TNKS: variants seen among roughly 807,000 people sequenced by gnomAD.
TNKS encodes poly [ADP-ribose] polymerase tankyrase-1.
A neutral mutation model predicts 135.8 loss-of-function variants in TNKS; 72 were observed. That is an observed-to-expected ratio of 0.53 (90% CI 0.44 to 0.64). The LOEUF is 0.64. TNKS is among the 30% of genes least tolerant of loss of function. TNKS has a pLI of 0.00. For missense variants in TNKS, 1,769 were observed against 1,674.0 expected (o/e 1.06, Z -0.99); for synonymous variants, 849 against 649.3 (o/e 1.31, Z -4.68).
chr8:9,749,499 C>G (rs903782869), intron 18 of TNKS, among the ~76,000 whole-genome samples: 12 of 147,500 alleles, frequency 8.1e-5, no homozygotes, highest in African/African-American at 2.5e-4. Context: ...CCTTAAGACA[C>G]AGTCTGGCTA....
At chr8:9,601,538 G>A (rs1799016305) in intron 2 of TNKS, among the ~76,000 whole-genome samples, 1 of 152,154 alleles carries the variant, frequency 6.6e-6, no homozygotes, top group African/African-American at 2.4e-5. Context: ...AGATAATACA[G>A]GCGTATGTGT....
intron 14 of TNKS, 27 bp downstream of exon 14, chr8:9,731,062 G>A (rs752572388): frequency 1.9e-6 from 3 of 1,544,492 alleles, no homozygotes; most frequent in Non-Finnish European, 2.6e-6. Context: ...AGCTGTTTGG[G>A]AGTCATTCTC....
intron 22 of TNKS, 33 bp from the exon 23 acceptor site, chr8:9,764,683 T>C: frequency 6.5e-7 from 1 of 1,527,978 alleles, no homozygotes; most frequent in Non-Finnish European, 8.9e-7. Flanking sequence ...CACACTGGGA[T>C]GTTTTTATAA....
chr8:9,561,466 C>T (rs959312171), intron 1 of TNKS, among the ~76,000 whole-genome samples: 2 of 152,168 alleles, frequency 1.3e-5, no homozygotes, highest in Non-Finnish European at 2.9e-5. Context: ...TAAATGCAGT[C>T]ATACAATATT....
chr8:9,734,544 A>G (rs946699743), intron 15 of TNKS, among the ~76,000 whole-genome samples: 57 of 152,136 alleles, frequency 3.7e-4, no homozygotes, highest in African/African-American at 1.3e-3. Context: ...CATCCATGCT[A>G]TTCTTCAAAG....
chr8:9,683,674 AC>A (rs1467399725), intron 5 of TNKS, among the ~76,000 whole-genome samples: 5 of 151,540 alleles, frequency 3.3e-5, no homozygotes, highest in African/African-American at 4.8e-5. Context: ...GGGGTTTGAG[AC>A]TTTAGGTTTT....
chr8:9,661,547 CTG>C (rs1383757374), intron 3 of TNKS, among the ~76,000 whole-genome samples: 1 of 152,122 alleles, frequency 6.6e-6, no homozygotes, highest in Non-Finnish European at 1.5e-5. Context: ...AAAGCTGAAA[CTG>C]GATCCCTTCC....
At chr8:9,585,208 C>T (rs533549150) in intron 2 of TNKS, among the ~76,000 whole-genome samples, 16 of 151,338 alleles carry the variant, frequency 1.1e-4, no homozygotes, top group Admixed American at 6.6e-4. Context: ...GAATTAAAGA[C>T]CATGTTAGTA....
At chr8:9,719,852 C>T (rs939037529) in intron 11 of TNKS, among the ~76,000 whole-genome samples, 2 of 152,086 alleles carry the variant, frequency 1.3e-5, no homozygotes, top group African/African-American at 4.8e-5. Flanking sequence ...TTTGAATCCT[C>T]AAATCTTTTT....
chr8:9,714,572 C>G (rs1008802124), intron 11 of TNKS, among the ~76,000 whole-genome samples: 3 of 152,052 alleles, frequency 2.0e-5, no homozygotes, highest in Non-Finnish European at 4.4e-5. Context: ...ATAATCAAGA[C>G]TGTAGTAGAT....
intron 2 of TNKS, among the ~76,000 whole-genome samples, chr8:9,586,722 C>CGTGTGTGTGTGTGTGTGT (rs5889287): frequency 4.2e-5 from 6 of 143,298 alleles, no homozygotes; most frequent in African/African-American, 1.5e-4. Context: ...ATATCTAAAA[C>CGTGTGTGTGTGTGTGTGT]GTGTGTGTGT....
intron 1 of TNKS, among the ~76,000 whole-genome samples, chr8:9,566,975 A>G (rs1462797169): frequency 6.6e-6 from 1 of 152,212 alleles, no homozygotes; most frequent in Non-Finnish European, 1.5e-5. Context: ...TGCCAGATTT[A>G]AACCCAATCT....
intron 17 of TNKS, among the ~76,000 whole-genome samples, chr8:9,745,028 G>A (rs13249683): frequency 0.7 from 106,773 of 152,080 alleles, 37,992 homozygotes; most frequent in Admixed American, 0.8. Flanking sequence ...TATATTATTC[G>A]GCCTGTAAAC....
chr8:9,632,516 G>A (rs1249575244), intron 3 of TNKS, among the ~76,000 whole-genome samples: 6 of 151,502 alleles, frequency 4.0e-5, no homozygotes, highest in Admixed American at 1.3e-4. Flanking sequence ...AAATTTCTTC[G>A]CTTTTGACCT....
At chr8:9,747,091 C>T (rs1165503377) in intron 17 of TNKS, among the ~76,000 whole-genome samples, 2 of 151,916 alleles carry the variant, frequency 1.3e-5, no homozygotes, top group Non-Finnish European at 2.9e-5. Flanking sequence ...CTATGTTGGC[C>T]AGGCTGGTCT....
chr8:9,760,051 A>C (rs562786011), intron 20 of TNKS, among the ~76,000 whole-genome samples: 47 of 152,260 alleles, frequency 3.1e-4, no homozygotes, highest in African/African-American at 1.0e-3. Context: ...CATAGATATG[A>C]GACCCTTGGT....
chr8:9,645,049 A>G (rs1800869974), intron 3 of TNKS, among the ~76,000 whole-genome samples: 1 of 152,164 alleles, frequency 6.6e-6, no homozygotes, highest in Admixed American at 6.6e-5. Flanking sequence ...CCATTTTATT[A>G]CACAAAGTTA....
chr8:9,629,728 G>T (rs1254371685), intron 3 of TNKS, among the ~76,000 whole-genome samples: 1 of 152,228 alleles, frequency 6.6e-6, no homozygotes, highest in Non-Finnish European at 1.5e-5. Context: ...TGTCGCCCAG[G>T]CTGGAGTGCA....
chr8:9,715,578 A>G (rs1377649317), intron 11 of TNKS, among the ~76,000 whole-genome samples: 2 of 152,128 alleles, frequency 1.3e-5, no homozygotes, highest in Non-Finnish European at 2.9e-5. Flanking sequence ...ATTCAACAAA[A>G]CAGTGAAGAC....
Sources: allele counts gnomAD v4.1 joint callset (sites outside exome capture counted in the v4.1 genomes callset), GRCh38; gene constraint gnomAD v4.1.1; transcripts MANE v1.5; gene names NCBI Gene and HGNC (gene_info 2026-07-23, HGNC 2026-07-21).